The following TSHZ3 variants were observed in gnomAD, a reference collection of about 807,000 sequenced individuals.
The protein encoded by TSHZ3 is teashirt homolog 3.
A neutral mutation model predicts 64.5 loss-of-function variants in TSHZ3; 10 were observed. The ratio of observed to expected loss-of-function variants is 0.16; its 90% CI spans 0.10 to 0.26. The LOEUF is 0.26. TSHZ3 is among the 10% of genes least tolerant of loss of function. The pLI is 1.00. For synonymous variants in TSHZ3, 608 were observed against 593.1 expected (o/e 1.03, Z -0.36); for missense variants, 1,242 against 1,421.7 (o/e 0.87, Z 2.03).
intron 1 of TSHZ3, among the ~76,000 whole-genome samples, chr19:31,327,911 C>T (rs1916977075): frequency 6.6e-6 from 1 of 152,218 alleles, no homozygotes; most frequent in African/African-American, 2.4e-5. Flanking sequence ...TTTACATGGA[C>T]ATTGTCTCTA....
intron 4 of TSHZ3, among the ~76,000 whole-genome samples, chr19:31,224,565 A>G (rs556053222): frequency 6.6e-6 from 1 of 152,326 alleles, no homozygotes; most frequent in African/African-American, 2.4e-5. Context: ...ATGCAGACCT[A>G]TGTGGATGGC....
intron 1 of TSHZ3, among the ~76,000 whole-genome samples, chr19:31,335,383 AC>A (rs778147302): frequency 1.3e-5 from 2 of 152,182 alleles, no homozygotes; most frequent in African/African-American, 2.4e-5. Context: ...CTCACGGAAG[AC>A]AGGAGGGCCT....
chr19:31,186,403 T>C (rs1599569020), intron 5 of TSHZ3, among the ~76,000 whole-genome samples: 1 of 152,170 alleles, frequency 6.6e-6, no homozygotes, highest in South Asian at 2.1e-4. Flanking sequence ...TCACAAGATC[T>C]GAATGGTTTT....
chr19:31,207,739 T>C (rs1318547264), intron 4 of TSHZ3: 1 of 152,242 alleles, frequency 6.6e-6, no homozygotes, highest in Non-Finnish European at 1.5e-5. Context: ...ATTGGCCAGA[T>C]CGATAGAGGA....
chr19:31,169,132 G>A (rs1460674628), intron 5 of TSHZ3, among the ~76,000 whole-genome samples: 2 of 151,904 alleles, frequency 1.3e-5, no homozygotes, highest in African/African-American at 4.8e-5. Context: ...AAAAGAGAGA[G>A]AGAGAGAGAG....
rs114159498 is a variant in TSHZ3, at chr19:31,179,850, A to G, written n.810-23433T>C. The stretch of plus-strand genomic sequence containing the variant: ...TGGAGGTGGTGGTGGTGGTGGTGGT[A>G]GTAAAGATGGTGGTGATGATGACTA... On this transcript the variant is annotated intron_variant and non_coding_transcript_variant, in intron 5 of 6. Coordinates refer to the TSHZ3 transcript ENST00000651361. 2.3e-4 allele frequency among the ~76,000 whole-genome samples: 29 copies of G among 124,962 alleles called. No homozygotes were observed. In the South Asian group the frequency reaches 2.6e-3, roughly 11 times the overall value. 82.0% of individuals were successfully genotyped at this position (124,962 alleles called of 152,430 possible).
rs576029695 is a variant in TSHZ3, at chr19:31,279,910, G to A, written c.41-158C>T. Among the ~76,000 whole-genome samples, 3 of 150,656 alleles carry A rather than the reference G, an allele frequency of 2.0e-5. No homozygotes were observed. The highest frequency in any genetic ancestry group is 7.3e-5 in the African/African-American group (3 of 41,034). Reference sequence around the variant, plus strand: ...AACACAGCAACCCAGATGGGTACATGTATTTGTAAAATTAAACAGTTAAAA... The same window carrying A: ...AACACAGCAACCCAGATGGGTACATATATTTGTAAAATTAAACAGTTAAAA... On this transcript the variant is annotated intron_variant, in intron 1 of 1. Transcript: ENST00000240587. The surrounding 1 kb of genome is among the most constrained non-coding windows in gnomAD (Gnocchi z 6.4).
rs1468902808 is a variant in TSHZ3, at chr19:31,278,444, G to T, written c.1349C>A (p.Thr450Asn). 1.2e-6 allele frequency: 2 copies of T among 1,614,180 alleles called. No individual in the cohort carries two copies. The highest frequency in any genetic ancestry group is 1.7e-5 in the Admixed American group (1 of 60,022). Residue 450 changes from threonine to asparagine, a missense_variant, in exon 2 of 2, where the codon ACC (threonine) becomes AAC (asparagine). Transcript: ENST00000240587. The surrounding 1 kb of genome is among the most constrained non-coding windows in gnomAD (Gnocchi z 4.7). ...EKVQSVPLAA[T>N]TFTSPSNTPA... is the part of the protein sequence containing the mutation. ...TGTATTGGAGGGGGACGTGAAGGTG[G>T]TGGCTGCCAGGGGCACGGACTGGAC...
chr19:31,274,135 GTTTTT>G (rs528894487), downstream of TSHZ3, among the ~76,000 whole-genome samples: 1 of 146,792 alleles, frequency 6.8e-6, no homozygotes, highest in South Asian at 2.2e-4. Flanking sequence ...TAAAATATGT[GTTTTT>G]TTTTTTAAGT....
intron 1 of TSHZ3, among the ~76,000 whole-genome samples, chr19:31,334,163 T>A (rs1367458317): frequency 6.6e-6 from 1 of 152,220 alleles, no homozygotes; most frequent in African/African-American, 2.4e-5. Flanking sequence ...CCTCCGTCAC[T>A]GTCACGTAGG....
At chr19:31,341,639 A>T (rs1409016638) in intron 1 of TSHZ3, among the ~76,000 whole-genome samples, 1 of 115,064 alleles carries the variant, frequency 8.7e-6, no homozygotes, top group African/African-American at 4.9e-5. Context: ...TGACACACAC[A>T]CACACACACA....
chr19:31,299,938 A>T (rs1005907065), intron 1 of TSHZ3, among the ~76,000 whole-genome samples: 9 of 152,218 alleles, frequency 5.9e-5, no homozygotes, highest in African/African-American at 2.2e-4. Context: ...ACGCACCCTC[A>T]CCATGACCTG....
intron 5 of TSHZ3, among the ~76,000 whole-genome samples, chr19:31,162,664 T>C (rs1300400533): frequency 1.3e-5 from 2 of 152,184 alleles, no homozygotes; most frequent in Non-Finnish European, 2.9e-5. Context: ...ATGCAGGTAC[T>C]CACAATCAGT....
chr19:31,338,419 G>A (rs947432579), intron 1 of TSHZ3, among the ~76,000 whole-genome samples: 8 of 152,322 alleles, frequency 5.3e-5, no homozygotes, highest in South Asian at 2.1e-4. Context: ...AGCCCGGGCA[G>A]GGAGCCGCAA....
intron 5 of TSHZ3, among the ~76,000 whole-genome samples, chr19:31,193,579 G>A (rs367740803): frequency 2.0e-5 from 3 of 152,202 alleles, no homozygotes; most frequent in Non-Finnish European, 2.9e-5. Context: ...CTAGTTGTGT[G>A]AGCCTGAGCA....
At chr19:31,194,436 A>G (rs1974956310) in intron 5 of TSHZ3, among the ~76,000 whole-genome samples, 1 of 152,200 alleles carries the variant, frequency 6.6e-6, no homozygotes, top group African/African-American at 2.4e-5. Flanking sequence ...CTCACCTGGA[A>G]GAAAGGAAAT....
chr19:31,210,457 G>T (rs1476306079), intron 4 of TSHZ3, among the ~76,000 whole-genome samples: 1 of 152,130 alleles, frequency 6.6e-6, no homozygotes, highest in Non-Finnish European at 1.5e-5. Flanking sequence ...AAAGCAGGAG[G>T]TATATCTAGA....
chr19:31,232,366 G>A (rs953136068), intron 3 of TSHZ3, among the ~76,000 whole-genome samples: 1 of 152,120 alleles, frequency 6.6e-6, no homozygotes, highest in East Asian at 1.9e-4. Flanking sequence ...ATAAATGAAC[G>A]AAAAGGGAGG....
intron 1 of TSHZ3, among the ~76,000 whole-genome samples, chr19:31,291,891 T>C (rs1241215327): frequency 6.6e-6 from 1 of 152,214 alleles, no homozygotes; most frequent in African/African-American, 2.4e-5. Context: ...CATATCTGGG[T>C]TGACAGCAAT....
Sources: allele counts gnomAD v4.1 joint callset (sites outside exome capture counted in the v4.1 genomes callset), GRCh38; gene constraint gnomAD v4.1.1; non-coding constraint Gnocchi (gnomAD v3.1); transcripts MANE v1.5; gene names NCBI Gene and HGNC (gene_info 2026-07-23, HGNC 2026-07-21).